Variants in CALN1 observed in about 807,000 individuals in gnomAD.
CALN1 encodes calcium-binding protein 8.
CALN1 carries 17 observed loss-of-function variants against 30.6 expected under a neutral mutation model. The observed-to-expected ratio is 0.56, with a 90% CI of 0.38 to 0.83. The LOEUF (loss-of-function observed/expected upper bound fraction) is 0.83, where lower values mean the gene tolerates loss of function less well. Among genes scored for constraint, CALN1 ranks in the 40% least tolerant of loss-of-function variants. The probability of loss-of-function intolerance (pLI) is 0.00; values close to 1 mark genes in which losing one functional copy is unlikely to be tolerated. For missense variants in CALN1, 291 were observed against 354.9 expected, an observed-to-expected ratio of 0.82 and a Z score of 1.45; for synonymous variants, 156 against 131.4, an observed-to-expected ratio of 1.19 and a Z score of -1.28.
intron 3 of CALN1, among the ~76,000 whole-genome samples, chr7:72,121,816 A>T (rs1020801940): frequency 6.1e-5 from 9 of 147,456 alleles, no homozygotes; most frequent in Non-Finnish European, 1.3e-4. Flanking sequence ...TATTGTAAAC[A>T]TGGTTGGTTA....
At chr7:72,316,967 CGAAAGGAAAG>C (rs1242580783) in intron 2 of CALN1, among the ~76,000 whole-genome samples, 1 of 86,554 alleles carries the variant, frequency 1.2e-5, no homozygotes, top group South Asian at 3.4e-4. Flanking sequence ...AACAAATAAA[CGAAAGGAAAG>C]GAAAGGAAAA....
At chr7:71,964,343 C>G (rs972218308) in intron 5 of CALN1, among the ~76,000 whole-genome samples, 3 of 152,148 alleles carry the variant, frequency 2.0e-5, no homozygotes, top group African/African-American at 4.8e-5. Flanking sequence ...GCTCCTGAAG[C>G]CTTGGTGGGC....
chr7:72,268,869 A>T (rs1173736943), intron 3 of CALN1, among the ~76,000 whole-genome samples: 1 of 152,020 alleles, frequency 6.6e-6, no homozygotes, highest in Admixed American at 6.6e-5. Context: ...AAAGAAACTT[A>T]TGCAAGAATA....
chr7:72,063,134 C>T (rs1251323114), intron 4 of CALN1, among the ~76,000 whole-genome samples: 1 of 152,148 alleles, frequency 6.6e-6, no homozygotes, highest in Non-Finnish European at 1.5e-5. Flanking sequence ...AAAAAAGGAT[C>T]AAGCTGTTCT....
intron 6 of CALN1, among the ~76,000 whole-genome samples, chr7:71,799,529 G>T (rs1455328517): frequency 6.6e-6 from 1 of 151,920 alleles, no homozygotes; most frequent in Non-Finnish European, 1.5e-5. Context: ...GCAATGGTGC[G>T]ATCTCAGTTC....
chr7:72,080,392 T>C (rs1345449601), intron 4 of CALN1, among the ~76,000 whole-genome samples: 1 of 152,200 alleles, frequency 6.6e-6, no homozygotes, highest in Non-Finnish European at 1.5e-5. Context: ...AGGGATTGAT[T>C]TACTGCGTGC....
At chr7:72,189,693 A>G (rs189431343) in intron 3 of CALN1, among the ~76,000 whole-genome samples, 79 of 151,294 alleles carry the variant, frequency 5.2e-4, no homozygotes, top group Non-Finnish European at 1.0e-3. Flanking sequence ...ACTTGAATCC[A>G]GGAGGCAGAG....
rs1796067516 is a variant in CALN1, at chr7:72,258,493, A to T, written c.244+20193T>A. ...AATAACCCAAGGGCACTGTCAATCA[A>T]TAAACCAGATTAATTGAGCACAAAT... On this transcript the variant is annotated intron_variant, in intron 3 of 6. Transcript: ENST00000395275. 2.0e-5 allele frequency among the ~76,000 whole-genome samples: 3 copies of T among 152,354 alleles called. No homozygotes were observed. In the South Asian group the frequency reaches 6.2e-4, roughly 32 times the overall value.
At chr7:71,981,956 T>C (rs1398124194) in intron 5 of CALN1, among the ~76,000 whole-genome samples, 1 of 152,150 alleles carries the variant, frequency 6.6e-6, no homozygotes, top group Non-Finnish European at 1.5e-5. Context: ...ACTCTTTTCC[T>C]GCAATGGGAA....
intron 3 of CALN1, among the ~76,000 whole-genome samples, chr7:72,266,998 C>A (rs1170420890): frequency 6.6e-6 from 1 of 152,224 alleles, no homozygotes; most frequent in Non-Finnish European, 1.5e-5. Flanking sequence ...ATCTGACACT[C>A]CCCCTCTTAT....
At chr7:72,319,963 G>A (rs1800757247) in intron 2 of CALN1, among the ~76,000 whole-genome samples, 1 of 152,100 alleles carries the variant, frequency 6.6e-6, no homozygotes, top group Non-Finnish European at 1.5e-5. Context: ...GGCACAGCTT[G>A]GCCAACATGG....
intron 5 of CALN1, among the ~76,000 whole-genome samples, chr7:72,015,343 G>A (rs2129529594): frequency 6.6e-6 from 1 of 152,330 alleles, no homozygotes; most frequent in African/African-American, 2.4e-5. Context: ...ACAGATTGCT[G>A]GGCCATAGGC....
chr7:72,014,833 T>C (rs1054482007), intron 5 of CALN1, among the ~76,000 whole-genome samples: 18 of 152,134 alleles, frequency 1.2e-4, no homozygotes, highest in African/African-American at 4.1e-4. Context: ...GGCTAATTTT[T>C]GTATTTGTTT....
chr7:71,932,815 CAAAA>C (rs5884864), intron 5 of CALN1, among the ~76,000 whole-genome samples: 3 of 82,690 alleles, frequency 3.6e-5, no homozygotes, highest in Admixed American at 1.3e-4. Context: ...TACTCCATCT[CAAAA>C]AAAAAAAAAA....
At chr7:71,996,779 ATAAAAT>A (rs1175860776) in intron 5 of CALN1, among the ~76,000 whole-genome samples, 2 of 152,232 alleles carry the variant, frequency 1.3e-5, no homozygotes, top group Non-Finnish European at 2.9e-5. Flanking sequence ...TTAAAATAAA[ATAAAAT>A]TAAATTAAAA....
chr7:72,435,490 G>A (rs1396292192), intron 1 of CALN1, among the ~76,000 whole-genome samples: 2 of 152,160 alleles, frequency 1.3e-5, no homozygotes, highest in East Asian at 1.9e-4. Flanking sequence ...CTCGGCCTGC[G>A]GGGGCCTCCT....
At chr7:72,195,267 G>A (rs545255993) in intron 3 of CALN1, among the ~76,000 whole-genome samples, 2 of 152,270 alleles carry the variant, frequency 1.3e-5, no homozygotes, top group East Asian at 3.9e-4. Context: ...AATAACCACT[G>A]TCTTCTCCTA....
intron 5 of CALN1, among the ~76,000 whole-genome samples, chr7:71,819,526 C>A (rs1419587963): frequency 6.6e-6 from 1 of 152,200 alleles, no homozygotes; most frequent in Non-Finnish European, 1.5e-5. Flanking sequence ...GTGTACAGTT[C>A]TGTGGCATTA....
intron 5 of CALN1, among the ~76,000 whole-genome samples, chr7:71,851,651 A>G (rs1790654754): frequency 6.6e-6 from 1 of 152,124 alleles, no homozygotes; most frequent in African/African-American, 2.4e-5. Flanking sequence ...AATTGCCCAT[A>G]GGAATAGAGG....
Sources: allele counts gnomAD v4.1 joint callset (sites outside exome capture counted in the v4.1 genomes callset), GRCh38; gene constraint gnomAD v4.1.1; transcripts MANE v1.5; gene names NCBI Gene and HGNC (gene_info 2026-07-23, HGNC 2026-07-21).